SPOCK3: variants seen among roughly 807,000 people sequenced by gnomAD.
The protein encoded by SPOCK3 is SPARC (osteonectin), cwcv and kazal like domains proteoglycan 3.
In SPOCK3, 30 loss-of-function variants were observed where a neutral mutation model predicts 56.6. That is an observed-to-expected ratio of 0.53 (90% CI 0.40 to 0.72). The LOEUF is 0.72. Ranked by LOEUF, SPOCK3 falls within the 30% of genes least tolerant of loss-of-function variation. SPOCK3 has a pLI of 0.00. For missense variants in SPOCK3, 527 were observed against 530.0 expected (o/e 0.99, Z 0.06); for synonymous variants, 196 against 183.3 (o/e 1.07, Z -0.56).
intron 5 of SPOCK3, 27 bp from the exon 6 acceptor site, chr4:166,889,271 A>G: frequency 1.4e-6 from 2 of 1,387,464 alleles, no homozygotes; most frequent in Non-Finnish European, 2.0e-6. Context: ...AAAAAAAGTA[A>G]TTCAAATGCT....
intron 2 of SPOCK3, among the ~76,000 whole-genome samples, chr4:167,161,454 A>G (rs1475169208): frequency 1.3e-5 from 2 of 152,184 alleles, no homozygotes; most frequent in African/African-American, 2.4e-5. Context: ...ACTGTAAACT[A>G]GTTCAACCAT....
chr4:167,234,545 G>A, upstream of SPOCK3: 1 of 267,848 alleles, frequency 3.7e-6, no homozygotes, highest in Non-Finnish European at 7.2e-6. Flanking sequence ...ACGCGCCGCC[G>A]TCTCGAGCCG....
In SPOCK3 at chr4:166,742,017, T is replaced by G; in HGVS notation, c.974A>C (p.Gln325Pro). 1 of 1,613,010 alleles carries G rather than the reference T, an allele frequency of 6.2e-7. No homozygotes were observed. Among genetic ancestry groups the G allele is most frequent in the Non-Finnish European group, 8.5e-7 (1 of 1,179,220 alleles). ...CTCACCTAGGAGCTTCTTTACCCCT[T>G]GCCGCTTCTGAATATTGCTGAGCTC... The part of the protein sequence containing the change: ...QTELSNIQKR[Q>P]GVKKLLGQYI... Residue 325 changes from glutamine (Q) to proline (P), a missense_variant, in exon 9 of 11, where the codon CAA becomes CCA. Gln to Pro is a moderately conservative substitution (Grantham distance 76). Transcript: ENST00000357545.
intron 6 of SPOCK3, among the ~76,000 whole-genome samples, chr4:166,875,731 T>A (rs1157679323): frequency 6.6e-6 from 1 of 152,036 alleles, no homozygotes; most frequent in African/African-American, 2.4e-5. Context: ...TTTGTGCAGG[T>A]TTAGGACCAG....
chr4:166,787,350 T>C (rs1464897881), intron 7 of SPOCK3, among the ~76,000 whole-genome samples: 2 of 152,178 alleles, frequency 1.3e-5, no homozygotes, highest in African/African-American at 4.8e-5. Flanking sequence ...TCTTGCATGT[T>C]TGCACATAAT....
chr4:166,789,573 G>C (rs1741116195), intron 7 of SPOCK3, among the ~76,000 whole-genome samples: 1 of 152,082 alleles, frequency 6.6e-6, no homozygotes, highest in African/African-American at 2.4e-5. Flanking sequence ...GCTGATCAAA[G>C]TTTTTAACAA....
In SPOCK3 at chr4:167,000,480, G is replaced by A. The variant is rs1049800931; in HGVS notation, c.236-17C>T. On this transcript the variant is annotated splice_polypyrimidine_tract_variant and intron_variant, in intron 3 of 10. Coordinates refer to ENST00000357545, the MANE Select transcript of SPOCK3 (RefSeq NM_001040159.2). Reference sequence around the variant, plus strand: ...GATCTAAAGCTAAAAAAATTGCAAAGAAAATATTAAAATAAGCTTCTGTAA... The same window carrying A: ...GATCTAAAGCTAAAAAAATTGCAAAAAAAATATTAAAATAAGCTTCTGTAA... 7.7e-7 allele frequency: 1 copy of A among 1,303,998 alleles called. No homozygotes were observed. 80.8% of individuals were successfully genotyped at this position (1,303,998 alleles called of 1,614,324 possible).
At chr4:166,893,864 A>G (rs1010478987) in intron 5 of SPOCK3, among the ~76,000 whole-genome samples, 3 of 152,112 alleles carry the variant, frequency 2.0e-5, no homozygotes, top group Non-Finnish European at 4.4e-5. Context: ...AGCATTCCTC[A>G]TATTCAGCTG....
At chr4:166,762,365 G>A (rs1189634209) in intron 7 of SPOCK3, among the ~76,000 whole-genome samples, 1 of 152,098 alleles carries the variant, frequency 6.6e-6, no homozygotes, top group Admixed American at 6.6e-5. Flanking sequence ...AAGCAATGTT[G>A]GTGTGAGATT....
rs544113528 is a variant in SPOCK3, at chr4:166,998,519, A to C, written c.350+1830T>G. Among the ~76,000 whole-genome samples the C allele has an allele frequency of 4.5e-4, 68 of 152,262 alleles. 1 individual carries two copies. The South Asian group carries it at 8.1e-3, about 18-fold the overall frequency. ...CTGGGGTCGATCAGTACAGATTAGAATTGAAGCTCTGAAAATTTCTAGCTT... is the reference window on the plus strand; with the variant it reads ...CTGGGGTCGATCAGTACAGATTAGACTTGAAGCTCTGAAAATTTCTAGCTT... On this transcript the variant is annotated intron_variant, in intron 4 of 10. Coordinates refer to ENST00000357545, the MANE Select transcript of SPOCK3 (RefSeq NM_001040159.2).
chr4:167,194,933 T>C (rs895729494), intron 2 of SPOCK3, among the ~76,000 whole-genome samples: 16 of 152,138 alleles, frequency 1.1e-4, no homozygotes, highest in African/African-American at 3.6e-4. Flanking sequence ...AAGATACCTG[T>C]GTTGGCAGTA....
chr4:166,804,061 C>T (rs970603152), intron 6 of SPOCK3, among the ~76,000 whole-genome samples: 2 of 152,044 alleles, frequency 1.3e-5, no homozygotes, highest in Non-Finnish European at 2.9e-5. Context: ...TTTTTATTGG[C>T]AAAGGGGTGA....
chr4:166,920,185 A>G (rs546550835), intron 4 of SPOCK3, among the ~76,000 whole-genome samples: 1 of 152,254 alleles, frequency 6.6e-6, no homozygotes, highest in African/African-American at 2.4e-5. Context: ...TTTAAACGTA[A>G]TGGAAAACCA....
At chr4:167,013,473 GATC>G (rs1750294947) in intron 3 of SPOCK3, among the ~76,000 whole-genome samples, 1 of 150,872 alleles carries the variant, frequency 6.6e-6, no homozygotes, top group Non-Finnish European at 1.5e-5. Flanking sequence ...TCAGAATATT[GATC>G]ACCATATATG....
chr4:167,181,064 C>T (rs1272987969), intron 2 of SPOCK3, among the ~76,000 whole-genome samples: 1 of 152,104 alleles, frequency 6.6e-6, no homozygotes, highest in Non-Finnish European at 1.5e-5. Flanking sequence ...TACATATAAC[C>T]TATAGGTTAA....
chr4:167,161,006 A>G (rs1330970839), intron 2 of SPOCK3, among the ~76,000 whole-genome samples: 1 of 152,114 alleles, frequency 6.6e-6, no homozygotes, highest in East Asian at 1.9e-4. Context: ...TGTCTAAAAC[A>G]CCAAAAGCCA....
At chr4:166,898,120 G>A (rs1735600274) in intron 5 of SPOCK3, among the ~76,000 whole-genome samples, 1 of 152,094 alleles carries the variant, frequency 6.6e-6, no homozygotes, top group Non-Finnish European at 1.5e-5. Flanking sequence ...GGATCACTGA[G>A]CCCCGGAATT....
intron 2 of SPOCK3, among the ~76,000 whole-genome samples, chr4:167,200,064 T>C (rs929747886): frequency 6.6e-6 from 1 of 152,086 alleles, no homozygotes; most frequent in Non-Finnish European, 1.5e-5. Flanking sequence ...ATTTCTGAAT[T>C]TCTCCAGAAG....
chr4:166,912,891 T>A, intron 4 of SPOCK3, 148 bp from the exon 5 acceptor site: 1 of 684,538 alleles, frequency 1.5e-6, no homozygotes, highest in African/African-American at 1.9e-5. Flanking sequence ...TATTATTTCA[T>A]GCCATATTTT....
Sources: allele counts gnomAD v4.1 joint callset (sites outside exome capture counted in the v4.1 genomes callset), GRCh38; gene constraint gnomAD v4.1.1; transcripts MANE v1.5; gene names NCBI Gene and HGNC (gene_info 2026-07-23, HGNC 2026-07-21).